Variants in BACH2 observed in about 807,000 individuals in gnomAD.
BACH2 encodes the protein transcription regulator protein BACH2.
Under a neutral mutation model 61.8 loss-of-function variants are expected in BACH2, and 5 were observed. The observed-to-expected ratio is 0.08, with a 90% CI of 0.04 to 0.17. BACH2 has a LOEUF of 0.17. Ranked by LOEUF, BACH2 falls within the 10% of genes least tolerant of loss-of-function variation. BACH2 has a pLI of 1.00. For missense variants in BACH2, 824 were observed against 1,091.1 expected, an observed-to-expected ratio of 0.76 and a Z score of 3.45; for synonymous variants, 446 against 440.1, an observed-to-expected ratio of 1.01 and a Z score of -0.17.
intron 3 of BACH2, among the ~76,000 whole-genome samples, chr6:90,245,052 C>G (rs2127867101): frequency 6.6e-6 from 1 of 152,034 alleles, no homozygotes; most frequent in Middle Eastern, 3.4e-3. Context: ...AAAAAATTAG[C>G]CGGGTGTGGT....
intron 3 of BACH2, among the ~76,000 whole-genome samples, chr6:90,241,917 A>G (rs1582523458): frequency 6.6e-6 from 1 of 151,186 alleles, no homozygotes; most frequent in East Asian, 1.9e-4. Flanking sequence ...TTTCTAAGCT[A>G]CAATCTATCC....
chr6:90,014,460 ATATATATATTTTTTTTT>A (rs1422777078), intron 5 of BACH2, among the ~76,000 whole-genome samples: 5 of 72,220 alleles, frequency 6.9e-5, no homozygotes, highest in Non-Finnish European at 9.4e-5. Context: ...ATATATATAT[ATATATATATTTTTTTTT>A]TTTTTTTTTT....
intron 6 of BACH2, among the ~76,000 whole-genome samples, chr6:89,960,175 C>T (rs1774663272): frequency 6.6e-6 from 1 of 152,190 alleles, no homozygotes; most frequent in South Asian, 2.1e-4. Context: ...TTCTGTTCTT[C>T]CAGTTTTCCA....
chr6:90,021,564 A>G (rs2127785059), intron 5 of BACH2, among the ~76,000 whole-genome samples: 1 of 152,356 alleles, frequency 6.6e-6, no homozygotes, highest in South Asian at 2.1e-4. Flanking sequence ...GTAATTGCTG[A>G]GTAAATTCCT....
chr6:90,189,808 C>G (rs1768503717), intron 4 of BACH2, among the ~76,000 whole-genome samples: 1 of 152,114 alleles, frequency 6.6e-6, no homozygotes, highest in Non-Finnish European at 1.5e-5. Flanking sequence ...TCTGCTGAGC[C>G]ATGACACATA....
intron 5 of BACH2, among the ~76,000 whole-genome samples, chr6:90,049,356 G>C (rs959473096): frequency 6.6e-6 from 1 of 152,204 alleles, no homozygotes; most frequent in Non-Finnish European, 1.5e-5. Flanking sequence ...GTCACTGGGT[G>C]ACTACGGATG....
intron 4 of BACH2, among the ~76,000 whole-genome samples, chr6:90,095,228 GT>G (rs35734303): frequency 0.34 from 49,749 of 147,648 alleles, 9,005 homozygotes; most frequent in East Asian, 0.85. Flanking sequence ...CAGAGATGAA[GT>G]TTTTTTTTTT....
At chr6:89,933,417 G>A (rs1399808506) in intron 8 of BACH2, among the ~76,000 whole-genome samples, 1 of 152,122 alleles carries the variant, frequency 6.6e-6, no homozygotes, top group African/African-American at 2.4e-5. Flanking sequence ...AGGATTTGGG[G>A]GCAGTGAAGC....
At chr6:90,032,770 T>C (rs564847130) in intron 5 of BACH2, among the ~76,000 whole-genome samples, 198 of 152,330 alleles carry the variant, frequency 1.3e-3, no homozygotes, top group African/African-American at 4.4e-3. Context: ...GACTGTAAAC[T>C]AGTTCAATCA....
At chr6:90,220,800 A>C (rs897300579) in intron 3 of BACH2, among the ~76,000 whole-genome samples, 1 of 152,234 alleles carries the variant, frequency 6.6e-6, no homozygotes, top group African/African-American at 2.4e-5. Context: ...AGCATAGTTA[A>C]TAAAAAGAAA....
chr6:90,024,738 A>C (rs890421220), intron 5 of BACH2, among the ~76,000 whole-genome samples: 1 of 152,142 alleles, frequency 6.6e-6, no homozygotes, highest in Non-Finnish European at 1.5e-5. Flanking sequence ...CTTTTGAGAG[A>C]GATGAAGAAG....
chr6:89,949,298 G>T (rs745459339), intron 7 of BACH2, among the ~76,000 whole-genome samples: 103 of 152,156 alleles, frequency 6.8e-4, no homozygotes, highest in Non-Finnish European at 7.6e-4. Flanking sequence ...GTTCAATCCC[G>T]CTCCTGAGGG....
chr6:90,136,954 T>C (rs1281829389), intron 4 of BACH2, among the ~76,000 whole-genome samples: 2 of 151,872 alleles, frequency 1.3e-5, no homozygotes, highest in East Asian at 3.9e-4. Context: ...TAGACCAGAT[T>C]CCCATTTCAA....
chr6:90,172,496 C>G (rs1767850693), intron 4 of BACH2, among the ~76,000 whole-genome samples: 1 of 151,454 alleles, frequency 6.6e-6, no homozygotes, highest in African/African-American at 2.4e-5. Context: ...AAATGCATCC[C>G]AAGGATGTTA....
intron 4 of BACH2, among the ~76,000 whole-genome samples, chr6:90,137,072 T>C (rs1027860299): frequency 2.0e-5 from 3 of 152,090 alleles, no homozygotes; most frequent in African/African-American, 4.8e-5. Context: ...AAAAAAAATG[T>C]CTGTTCCAGT....
chr6:89,939,656 C>CT (rs71298713), intron 7 of BACH2, among the ~76,000 whole-genome samples: 15,161 of 82,456 alleles, frequency 0.18, 3,273 homozygotes, highest in Non-Finnish European at 0.24. Flanking sequence ...GCTTATATTT[C>CT]TTTTTTTTTT....
chr6:90,108,446 G>A (rs961843659), intron 4 of BACH2, among the ~76,000 whole-genome samples: 1 of 152,124 alleles, frequency 6.6e-6, no homozygotes, highest in Non-Finnish European at 1.5e-5. Flanking sequence ...ATAAGGAGAG[G>A]TCAAGAAGAA....
chr6:90,262,190 T>C (rs1771182047), intron 2 of BACH2, among the ~76,000 whole-genome samples: 1 of 152,240 alleles, frequency 6.6e-6, no homozygotes, highest in Admixed American at 6.5e-5. Context: ...ACTCTCATTA[T>C]ATGAAGTTAT....
chr6:89,963,816 ATTC>A (rs1774888086), intron 6 of BACH2, among the ~76,000 whole-genome samples: 1 of 152,234 alleles, frequency 6.6e-6, no homozygotes, highest in Admixed American at 6.5e-5. Context: ...CCAAATTTCC[ATTC>A]ATGAGTGACT....
Sources: gnomAD v4.1 joint callset for allele counts (sites outside exome capture counted in the v4.1 genomes callset) on GRCh38, gnomAD v4.1.1 for gene constraint, MANE v1.5 for transcripts, NCBI Gene and HGNC (gene_info 2026-07-23, HGNC 2026-07-21) for gene names.